ANKS1B: variants seen among roughly 807,000 people sequenced by gnomAD.
ANKS1B encodes ankyrin repeat and sterile alpha motif domain containing 1B, also known as ankyrin repeat and sterile alpha motif domain-containing protein 1B.
ANKS1B carries 36 observed loss-of-function variants against 148.3 expected under a neutral mutation model. That is an observed-to-expected ratio of 0.24 (90% CI 0.19 to 0.32). The LOEUF (loss-of-function observed/expected upper bound fraction) is 0.32. Ranked by LOEUF, ANKS1B falls within the 10% of genes least tolerant of loss-of-function variation. ANKS1B has a pLI of 1.00. For missense variants in ANKS1B, 1,157 were observed against 1,542.6 expected, an observed-to-expected ratio of 0.75 and a Z score of 4.19; for synonymous variants, 542 against 560.8, an observed-to-expected ratio of 0.97 and a Z score of 0.47.
intron 8 of ANKS1B, among the ~76,000 whole-genome samples, chr12:99,657,914 A>AAG (rs2098458007): frequency 1.3e-5 from 2 of 150,522 alleles, no homozygotes; most frequent in South Asian, 4.2e-4. Flanking sequence ...AAAAAAAAAA[A>AAG]AAAAAAAAGC....
intron 14 of ANKS1B, among the ~76,000 whole-genome samples, chr12:99,215,307 G>A (rs934189698): frequency 1.3e-5 from 2 of 152,224 alleles, no homozygotes; most frequent in African/African-American, 4.8e-5. Context: ...AGCCCTCATG[G>A]GGAACTTCTG....
chr12:99,557,691 A>G (rs1197252212), intron 9 of ANKS1B, among the ~76,000 whole-genome samples: 1 of 152,206 alleles, frequency 6.6e-6, no homozygotes, highest in Non-Finnish European at 1.5e-5. Context: ...CTGGTTAACA[A>G]CCATTGCTAG....
At chr12:99,827,669 AT>A (rs2083380375) in intron 1 of ANKS1B, among the ~76,000 whole-genome samples, 1 of 152,294 alleles carries the variant, frequency 6.6e-6, no homozygotes, top group East Asian at 1.9e-4. Context: ...AATAAAATTT[AT>A]TTTTTTAAAT....
At chr12:99,859,141 G>A (rs1276209591) in intron 1 of ANKS1B, among the ~76,000 whole-genome samples, 2 of 152,206 alleles carry the variant, frequency 1.3e-5, no homozygotes, top group South Asian at 2.1e-4. Flanking sequence ...AGATAATATT[G>A]ACACATGGAG....
chr12:98,826,454 C>T (rs1390326791), intron 19 of ANKS1B, among the ~76,000 whole-genome samples: 2 of 152,102 alleles, frequency 1.3e-5, no homozygotes, highest in Non-Finnish European at 2.9e-5. Context: ...CTCCAAACAT[C>T]TGGTAAGCAG....
chr12:99,967,917 AAAAAAAGAAAAAG>A (rs1408763980), intron 1 of ANKS1B, among the ~76,000 whole-genome samples: 4 of 151,870 alleles, frequency 2.6e-5, no homozygotes, highest in South Asian at 4.2e-4. Context: ...CAAAAAAAAA[AAAAAAAGAAAAAG>A]AAAAAAGAAA....
chr12:99,006,977 T>C (rs1266888029), intron 17 of ANKS1B, among the ~76,000 whole-genome samples: 2 of 152,188 alleles, frequency 1.3e-5, no homozygotes, highest in Non-Finnish European at 2.9e-5. Flanking sequence ...AAATAAGCTA[T>C]GCCACTTCTC....
At chr12:99,651,424 C>A (rs1430400425) in intron 9 of ANKS1B, among the ~76,000 whole-genome samples, 2 of 151,736 alleles carry the variant, frequency 1.3e-5, no homozygotes, top group East Asian at 3.9e-4. Flanking sequence ...TACTGGAGAC[C>A]CCCTAAGAAG....
At chr12:99,951,521 T>A (rs1485811366) in intron 1 of ANKS1B, among the ~76,000 whole-genome samples, 3 of 152,126 alleles carry the variant, frequency 2.0e-5, no homozygotes, top group Non-Finnish European at 4.4e-5. Flanking sequence ...AGGGAGTTCT[T>A]TTTGGTGTTG....
intron 17 of ANKS1B, among the ~76,000 whole-genome samples, chr12:99,008,011 T>G (rs563956354): frequency 1.3e-5 from 2 of 151,528 alleles, no homozygotes; most frequent in Admixed American, 1.3e-4. Context: ...CTGCTTGCAT[T>G]TTTCTTTCCT....
chr12:99,062,451 G>C (rs1482137301), intron 16 of ANKS1B, among the ~76,000 whole-genome samples: 2 of 152,104 alleles, frequency 1.3e-5, no homozygotes, highest in Non-Finnish European at 2.9e-5. Flanking sequence ...ATAAGGAACA[G>C]ATAAAAATAA....
At position 98,785,328 on chromosome 12, in the gene ANKS1B, G is replaced by A. The variant is rs554835137; in HGVS notation, c.3343-3191C>T. On this transcript the variant is annotated intron_variant, in intron 22 of 26. Coordinates refer to ENST00000683438, the MANE Select transcript of ANKS1B (RefSeq NM_001352186.2). ...CTACTAAAAATAAATAAATTAACCA[G>A]GCATGGTGGTGGGTGGCTGTAATCC... Among the ~76,000 whole-genome samples, 4 of 152,250 alleles carry A rather than the reference G, an allele frequency of 2.6e-5. No individual in the cohort carries two copies. In the East Asian group the frequency reaches 5.8e-4, roughly 22 times the overall value.
intron 12 of ANKS1B, among the ~76,000 whole-genome samples, chr12:99,266,436 A>G (rs1045022496): frequency 6.6e-6 from 1 of 152,220 alleles, no homozygotes; most frequent in Non-Finnish European, 1.5e-5. Context: ...CATTTTACAG[A>G]TAATGAGCAA....
At chr12:99,214,383 A>C (rs1373254897) in intron 14 of ANKS1B, among the ~76,000 whole-genome samples, 1 of 152,078 alleles carries the variant, frequency 6.6e-6, no homozygotes, top group Non-Finnish European at 1.5e-5. Context: ...CATAATCCCC[A>C]TGTGTCATGG....
intron 9 of ANKS1B, among the ~76,000 whole-genome samples, chr12:99,622,262 T>C (rs2098062532): frequency 1.3e-5 from 2 of 152,032 alleles, no homozygotes; most frequent in Non-Finnish European, 2.9e-5. Context: ...GGAAAGTTTA[T>C]AGCACTAATT....
chr12:99,217,890 T>G (rs777002654), intron 14 of ANKS1B, among the ~76,000 whole-genome samples: 2 of 152,216 alleles, frequency 1.3e-5, no homozygotes, highest in African/African-American at 2.4e-5. Context: ...AATAAGTGTC[T>G]TGTCCAAGAT....
rs186274450 is a variant in ANKS1B at position 99,556,887 on chromosome 12, C to A, written c.1273-52246G>T. Among the ~76,000 whole-genome samples, 5 of 152,160 alleles carry A rather than the reference C, an allele frequency of 3.3e-5. No individual in the cohort carries two copies. In the East Asian group the frequency reaches 9.7e-4, roughly 29 times the overall value. On this transcript the variant is annotated intron_variant, in intron 9 of 26. Coordinates refer to ENST00000683438, the MANE Select transcript of ANKS1B (RefSeq NM_001352186.2). ...ATTGTGTGGTTGCTTTTAGAATATG[C>A]GCCATGTGCAGATCAGAAGAATGTA...
chr12:99,512,444 C>T (rs1424134975), intron 9 of ANKS1B, among the ~76,000 whole-genome samples: 1 of 151,976 alleles, frequency 6.6e-6, no homozygotes, highest in African/African-American at 2.4e-5. Flanking sequence ...TGCTTTCATA[C>T]TGTTGGTGGG....
intron 2 of ANKS1B, among the ~76,000 whole-genome samples, chr12:99,815,553 C>G (rs2068997939): frequency 6.6e-6 from 1 of 151,472 alleles, no homozygotes; most frequent in Middle Eastern, 3.4e-3. Context: ...ATGGGTAACA[C>G]TTTAGTGGTA....
Sources: allele counts gnomAD v4.1 joint callset (sites outside exome capture counted in the v4.1 genomes callset), GRCh38; gene constraint gnomAD v4.1.1; transcripts MANE v1.5; gene names NCBI Gene and HGNC (gene_info 2026-07-23, HGNC 2026-07-21).